The following ACTN1 variants were observed in gnomAD, a reference collection of about 807,000 sequenced individuals.
ACTN1 encodes actinin alpha 1.
A neutral mutation model predicts 119.6 loss-of-function variants in ACTN1; 30 were observed. The observed-to-expected ratio is 0.25, with a 90% CI of 0.19 to 0.34. The LOEUF is 0.34. Ranked by LOEUF, ACTN1 falls within the 10% of genes least tolerant of loss-of-function variation. The probability of loss-of-function intolerance (pLI) is 1.00; values close to 1 mark genes in which losing one functional copy is unlikely to be tolerated. For synonymous variants in ACTN1, 429 were observed against 472.6 expected (o/e 0.91, Z 1.20); for missense variants, 764 against 1,223.4 (o/e 0.62, Z 5.60).
intron 1 of ACTN1, among the ~76,000 whole-genome samples, chr14:68,927,101 C>T (rs575019502): frequency 2.1e-4 from 32 of 152,176 alleles, no homozygotes; most frequent in East Asian, 3.9e-4. Flanking sequence ...TGAAGAGAAA[C>T]GGCGTATTGT....
At chr14:68,928,500 C>A (rs2035041452) in intron 1 of ACTN1, among the ~76,000 whole-genome samples, 1 of 152,168 alleles carries the variant, frequency 6.6e-6, no homozygotes, top group African/African-American at 2.4e-5. Flanking sequence ...CGGTGATCAA[C>A]AACATGCACT....
At position 68,878,756 on chromosome 14, in the gene ACTN1, T is replaced by G. The variant is rs1435184311; in HGVS notation, c.2361+233A>C. The G allele has an allele frequency of 3.9e-6, 6 of 1,542,858 alleles. No individual in the cohort carries two copies. Among genetic ancestry groups the G allele is most frequent in the Non-Finnish European group, 5.2e-6 (6 of 1,151,148 alleles). ...GAGATGCAAAAATCCACCCATGGGA[T>G]GAAGAGCAGCGAGGACGGAAGACAG... On this transcript the variant is annotated intron_variant, in intron 19 of 21. Coordinates refer to ENST00000394419, the MANE Select transcript of ACTN1 (RefSeq NM_001130004.2). The surrounding 1 kb of genome is among the most constrained non-coding windows in gnomAD (Gnocchi z 4.4).
chr14:68,951,458 C>T (rs2036165902), intron 1 of ACTN1, among the ~76,000 whole-genome samples: 1 of 152,304 alleles, frequency 6.6e-6, no homozygotes, highest in African/African-American at 2.4e-5. Context: ...AGGGCCTTCT[C>T]TTTCTAACCT....
Position 68,878,568 on chromosome 14 carries a change from C to A in ACTN1, c.2362-45G>T, listed in dbSNP as rs368058190. On this transcript the variant is annotated intron_variant, in intron 19 of 21. Transcript: ENST00000394419. This position sits in a 1 kb window ranked among gnomAD's most constrained non-coding sequence, Gnocchi z 4.4. Reference sequence around the variant, plus strand: ...CAAGACACAAGGAGGGTCGGGAAGGCAGGAAGAGGAAGGGCCGGCCCGGGG... The same window carrying A: ...CAAGACACAAGGAGGGTCGGGAAGGAAGGAAGAGGAAGGGCCGGCCCGGGG... 2.2e-3 allele frequency: 3,547 copies of A among 1,611,776 alleles called. 5 individuals carry two copies. The highest frequency in any genetic ancestry group is 2.8e-3 in the Non-Finnish European group (3,331 of 1,179,088).
rs577285793 is a variant in ACTN1, at chr14:68,885,636, C to T, written c.1235-61G>A. ...TGAGAAGCATCTCCTTGGTCCCAAC[C>T]GCCCACCCCTCAGGGCCCCAGGAGC... On this transcript the variant is annotated intron_variant, in intron 11 of 21. Coordinates refer to ENST00000394419, the MANE Select transcript of ACTN1 (RefSeq NM_001130004.2). This position sits in a 1 kb window ranked among gnomAD's most constrained non-coding sequence, Gnocchi z 5.6. 12 of 1,572,690 alleles carry T rather than the reference C, an allele frequency of 7.6e-6. No homozygotes were observed. Among genetic ancestry groups the T allele is most frequent in the South Asian group, 5.7e-5 (5 of 87,856 alleles).
At chr14:68,944,086 CA>C (rs1255727322) in intron 1 of ACTN1, among the ~76,000 whole-genome samples, 2 of 152,212 alleles carry the variant, frequency 1.3e-5, no homozygotes, top group African/African-American at 4.8e-5. Context: ...CAGGACACTT[CA>C]ACGCTTAAAG....
At chr14:68,891,903 A>C (rs753835598) in intron 10 of ACTN1, 150 bp downstream of exon 10, 4 of 1,068,956 alleles carry the variant, frequency 3.7e-6, no homozygotes, top group Non-Finnish European at 5.2e-6. Context: ...TGGTAACTGG[A>C]AGGGGGAAGT....
Position 68,902,558 on chromosome 14 carries a change from G to C in ACTN1, c.681C>G (p.Ile227Met). The C allele has an allele frequency of 6.2e-7, 1 of 1,613,560 alleles. No homozygotes were observed. The highest frequency in any genetic ancestry group is 8.5e-7 in the Non-Finnish European group (1 of 1,179,632). Residue 227 changes from isoleucine (I) to methionine (M), a missense_variant, in exon 8 of 22, where the codon ATC (isoleucine) becomes ATG (methionine). Ile to Met is a conservative substitution (Grantham distance 10). Transcript: ENST00000394419. ...DIPKMLDAED[I>M]VGTARPDEKA... ...TCTCATCCGGTCGGGCAGTTCCAAC[G>C]ATGTCTGTCAAGAAAAATCTGGAGT...
At chr14:68,891,940 G>A (rs1382568229) in intron 10 of ACTN1, 113 bp downstream of exon 10, 4 of 1,319,768 alleles carry the variant, frequency 3.0e-6, no homozygotes, top group Non-Finnish European at 4.1e-6. Context: ...TATGTAGGTA[G>A]AAGCAAACAC....
At chr14:68,970,498 T>A (rs555138954) in intron 1 of ACTN1, among the ~76,000 whole-genome samples, 18 of 152,274 alleles carry the variant, frequency 1.2e-4, no homozygotes, top group African/African-American at 4.3e-4. Context: ...CCTGTTTGGT[T>A]CCCGTGGTGA....
At chr14:68,920,909 G>C in intron 3 of ACTN1, 97 bp downstream of exon 3, 1 of 1,516,884 alleles carries the variant, frequency 6.6e-7, no homozygotes, top group South Asian at 1.3e-5. Flanking sequence ...ATGCCCCCAA[G>C]TGATGCATGG....
intron 1 of ACTN1, among the ~76,000 whole-genome samples, chr14:68,945,578 G>A (rs935469946): frequency 6.6e-6 from 1 of 152,220 alleles, no homozygotes; most frequent in Admixed American, 6.5e-5. Context: ...ACAAGATCAC[G>A]AAAAGGTCCC....
chr14:68,898,070 C>T (rs1486529993), intron 8 of ACTN1, among the ~76,000 whole-genome samples: 1 of 152,248 alleles, frequency 6.6e-6, no homozygotes, highest in Non-Finnish European at 1.5e-5. Context: ...TGCACCTGCC[C>T]TGCTCAGATC....
At chr14:68,953,945 G>A (rs1386521880) in intron 1 of ACTN1, among the ~76,000 whole-genome samples, 1 of 151,558 alleles carries the variant, frequency 6.6e-6, no homozygotes, top group Non-Finnish European at 1.5e-5. Flanking sequence ...GAGGAATGAT[G>A]CTTCAGATAG....
chr14:68,921,020 G>C lies in ACTN1; in HGVS notation c.326C>G (p.Ser109Cys), dbSNP rs909841889. ...GTAGGCCTTACCTTCGGCTCCGATG[G>C]ACACCAGTTTGACGCCTTTGCTGGC... ...FIASKGVKLV[S>C]IGAEEIVDGN... is the part of the protein sequence containing the mutation. Residue 109 changes from serine to cysteine, a missense_variant, in exon 3 of 22, where the codon TCC becomes TGC. Around this residue, in one of 4 missense-constraint regions of ACTN1, gnomAD observed 54 missense variants for 153.2 expected, o/e 0.35. Transcript: ENST00000394419. The C allele has an allele frequency of 1.6e-5, 26 of 1,614,144 alleles. No individual in the cohort carries two copies. Among genetic ancestry groups the C allele is most frequent in the Non-Finnish European group, 1.9e-5 (23 of 1,179,992 alleles).
At chr14:68,888,046 G>A (rs2032168786) in intron 11 of ACTN1, 1 of 728,258 alleles carries the variant, frequency 1.4e-6, no homozygotes, top group Admixed American at 1.8e-5. Context: ...GCTTTTCCTT[G>A]GCGGCTCCTT....
intron 6 of ACTN1, among the ~76,000 whole-genome samples, chr14:68,908,463 C>A (rs2033802915): frequency 6.6e-6 from 1 of 152,216 alleles, no homozygotes; most frequent in Admixed American, 6.5e-5. Context: ...AGTCCAGCCG[C>A]TCCTTGAAGC....
In ACTN1 at chr14:68,956,285, G is replaced by A. The variant is rs536780492; in HGVS notation, c.105+22667C>T. ...GTTTGAGACCCACCTGGGCAACATG[G>A]TGAGACCCTGTCTCCATTTTCATAA... On this transcript the variant is annotated intron_variant, in intron 1 of 21. Coordinates refer to ENST00000394419, the MANE Select transcript of ACTN1 (RefSeq NM_001130004.2). Among the ~76,000 whole-genome samples the A allele has an allele frequency of 2.0e-5, 3 of 152,308 alleles. 1 individual carries two copies. Among genetic ancestry groups the A allele is most frequent in the South Asian group, 4.1e-4 (2 of 4,828 alleles).
At chr14:68,876,723 C>T (rs192205370) in intron 21 of ACTN1, among the ~76,000 whole-genome samples, 7 of 152,230 alleles carry the variant, frequency 4.6e-5, no homozygotes, top group Admixed American at 1.3e-4. Context: ...TAGTCCGTGC[C>T]GATGCGCGGG....
Sources: gnomAD v4.1 joint callset for allele counts (sites outside exome capture counted in the v4.1 genomes callset) on GRCh38, gnomAD v4.1.1 for gene constraint, gnomAD v4.1.1 regional missense constraint, Gnocchi (gnomAD v3.1) non-coding constraint, MANE v1.5 for transcripts, NCBI Gene and HGNC (gene_info 2026-07-23, HGNC 2026-07-21) for gene names.